Variants in SFXN5 observed in about 807,000 individuals in gnomAD.
SFXN5 encodes the protein sideroflexin-5.
A neutral mutation model predicts 50.2 loss-of-function variants in SFXN5; 43 were observed. The observed-to-expected ratio is 0.86, with a 90% CI of 0.67 to 1.11. The LOEUF (loss-of-function observed/expected upper bound fraction) is 1.11, where lower values mean the gene tolerates loss of function less well. Ranked by LOEUF, SFXN5 falls within the 50% of genes least tolerant of loss-of-function variation. The probability of loss-of-function intolerance (pLI) is 0.00; values close to 1 mark genes in which losing one functional copy is unlikely to be tolerated. For synonymous variants in SFXN5, 203 were observed against 185.8 expected (o/e 1.09, Z -0.75); for missense variants, 463 against 454.1 (o/e 1.02, Z -0.18).
intron 2 of SFXN5, chr2:73,041,810 C>T: frequency 5.3e-6 from 1 of 190,192 alleles, no homozygotes; most frequent in Non-Finnish European, 1.2e-5. Context: ...TCAAGTGATC[C>T]TCCCACCTCA....
intron 1 of SFXN5, among the ~76,000 whole-genome samples, chr2:73,062,734 A>T (rs1485687741): frequency 6.6e-6 from 1 of 152,204 alleles, no homozygotes; most frequent in Non-Finnish European, 1.5e-5. Flanking sequence ...CAAAACACTG[A>T]TCAGAGTTTA....
intron 3 of SFXN5, among the ~76,000 whole-genome samples, chr2:73,033,122 G>A (rs1263547550): frequency 6.6e-6 from 1 of 152,170 alleles, no homozygotes; most frequent in East Asian, 1.9e-4. Flanking sequence ...TAATCTTTCT[G>A]AGCCTCCTCT....
Position 73,071,522 on chromosome 2 carries a change from G to A in SFXN5, c.102+82C>T, listed in dbSNP as rs1373147427. On this transcript the variant is annotated intron_variant, in intron 1 of 13. Transcript: ENST00000272433. ...CGCTGGCCGCGGGTGGGAGACCCTT[G>A]GGCGGAAGGGGACTTTGGAGGGGAG... 16 of 1,345,226 alleles carry A rather than the reference G, an allele frequency of 1.2e-5. No homozygotes were observed. The East Asian group carries it at 3.8e-4, about 32-fold the overall frequency. The allele number at this position is 1,345,226 out of a possible 1,614,324, so 83.3% of individuals were successfully genotyped here.
intron 10 of SFXN5, 112 bp downstream of exon 10, chr2:72,988,145 TG>T: frequency 1.1e-6 from 1 of 893,536 alleles, no homozygotes; most frequent in Non-Finnish European, 1.7e-6. Flanking sequence ...TTCTCCCAGC[TG>T]GGTGCCCCCT....
chr2:73,020,400 C>T, intron 5 of SFXN5, 136 bp from the exon 6 acceptor site: 1 of 764,530 alleles, frequency 1.3e-6, no homozygotes, highest in Non-Finnish European at 2.2e-6. Flanking sequence ...CGGGAGGCAT[C>T]TCCTATCTCA....
At chr2:73,058,359 A>C in intron 2 of SFXN5, 169 bp downstream of exon 2, 6 of 596,958 alleles carry the variant, frequency 1.0e-5, no homozygotes, top group Non-Finnish European at 1.8e-5. Flanking sequence ...AGACACACAG[A>C]TACATAAACA....
intron 10 of SFXN5, among the ~76,000 whole-genome samples, chr2:72,979,371 T>G (rs767330283): frequency 0.063 from 9,532 of 152,194 alleles, 379 homozygotes; most frequent in East Asian, 0.17. Context: ...CAGTGGCTCA[T>G]GCCTGTAATC....
At chr2:73,070,385 G>A (rs1559226614) in intron 1 of SFXN5, 1 of 152,114 alleles carries the variant, frequency 6.6e-6, no homozygotes, top group Non-Finnish European at 1.5e-5. Context: ...AGCAAAGCTC[G>A]GGGCACCCCC....
chr2:73,000,403 C>A, intron 8 of SFXN5, 28 bp downstream of exon 8: 1 of 1,551,768 alleles, frequency 6.4e-7, no homozygotes, highest in South Asian at 1.2e-5. Context: ...CTGAACCCCA[C>A]CACTGGGGAG....
intron 9 of SFXN5, among the ~76,000 whole-genome samples, chr2:72,989,517 A>G (rs1672319962): frequency 6.6e-6 from 1 of 152,098 alleles, no homozygotes; most frequent in South Asian, 2.1e-4. Context: ...ACGGGACCGG[A>G]TGGGGTGACT....
In SFXN5 at chr2:73,023,201, T is replaced by G. The variant is rs1677120118; in HGVS notation, c.263A>C (p.Gln88Pro). 1.2e-6 allele frequency: 2 copies of G among 1,603,972 alleles called. No homozygotes were observed. The highest frequency in any genetic ancestry group is 8.5e-7 in the Non-Finnish European group (1 of 1,174,622). Residue 88 changes from glutamine (Q) to proline (P), a missense_variant, in exon 4 of 14, where the codon CAG (glutamine) becomes CCG (proline). By Grantham distance (76) the Gln-to-Pro change is moderately conservative. Coordinates refer to ENST00000272433, the MANE Select transcript of SFXN5 (RefSeq NM_144579.3). Reference protein sequence around the residue: ...GVTNEQLWSAQKIKQAILHPD... With the variant: ...GVTNEQLWSAPKIKQAILHPD... ...AAACTGGATTACCTGCTTGATTTTC[T>G]GTGCACTCCAGAGCTGGAAGAGAGA... is the stretch of plus-strand genomic sequence containing the variant.
intron 13 of SFXN5, among the ~76,000 whole-genome samples, chr2:72,949,459 C>T (rs1192569535): frequency 6.6e-6 from 1 of 152,188 alleles, no homozygotes; most frequent in Admixed American, 6.5e-5. Context: ...CACATGCCAC[C>T]ATGCCTGGCT....
Position 72,960,514 on chromosome 2 carries a change from C to T in SFXN5, c.945+617G>A, listed in dbSNP as rs909657804. Among the ~76,000 whole-genome samples the T allele has an allele frequency of 1.3e-5, 2 of 152,178 alleles. No individual in the cohort carries two copies. The highest frequency in any genetic ancestry group is 2.9e-5 in the Non-Finnish European group (2 of 68,042). On this transcript the variant is annotated intron_variant, in intron 13 of 13. Transcript: ENST00000272433. The surrounding 1 kb of genome is among the most constrained non-coding windows in gnomAD (Gnocchi z 6.1). Reference sequence around the variant, plus strand: ...CGCCACAGGCTCCTGATGGTTCCTTCTCTGGAGCTCTAACCCAGCCCCACG... The same window carrying T: ...CGCCACAGGCTCCTGATGGTTCCTTTTCTGGAGCTCTAACCCAGCCCCACG...
At chr2:73,022,452 A>G (rs1677012770) in intron 5 of SFXN5, 70 bp downstream of exon 5, 1 of 1,187,110 alleles carries the variant, frequency 8.4e-7, no homozygotes, top group Admixed American at 1.7e-5. Context: ...GCACATCTGG[A>G]TGCTCCTGGA....
intron 10 of SFXN5, among the ~76,000 whole-genome samples, chr2:72,975,602 G>C (rs1670539885): frequency 6.6e-6 from 1 of 152,202 alleles, no homozygotes; most frequent in Non-Finnish European, 1.5e-5. Flanking sequence ...AAAGTCGTCA[G>C]AGAAGGGAAT....
intron 6 of SFXN5, among the ~76,000 whole-genome samples, chr2:73,018,789 T>C (rs911588279): frequency 3.3e-5 from 5 of 152,242 alleles, no homozygotes; most frequent in South Asian, 4.1e-4. Context: ...AATAGTGTTA[T>C]GTGGTCATAT....
chr2:73,022,556 G>A lies in SFXN5; in HGVS notation c.297C>T (p.Thr99=). The part of the protein sequence containing the change: ...KIKQAILHPD[T]NEKIFMPFRM... ...TAAATGGCATGAAGATCTTCTCATT[G>A]GTGTCCGGATGTAGAATAGCCTGGC... Residue 99 remains threonine (T), a synonymous_variant, in exon 5 of 14, where the codon ACC becomes ACT. Transcript: ENST00000272433. The A allele has an allele frequency of 6.2e-7, 1 of 1,612,034 alleles. No individual in the cohort carries two copies. The highest frequency in any genetic ancestry group is 8.5e-7 in the Non-Finnish European group (1 of 1,179,184).
chr2:72,985,701 T>C (rs983032491), intron 10 of SFXN5, among the ~76,000 whole-genome samples: 1 of 152,252 alleles, frequency 6.6e-6, no homozygotes, highest in South Asian at 2.1e-4. Context: ...TGTCAGGGCT[T>C]AAACCACATT....
At chr2:72,959,997 G>A (rs1673530238) in intron 13 of SFXN5, among the ~76,000 whole-genome samples, 1 of 152,016 alleles carries the variant, frequency 6.6e-6, no homozygotes, top group African/African-American at 2.4e-5. Context: ...TGACCTCTCA[G>A]GAGGGTCTGA....
Sources: gnomAD v4.1 joint callset for allele counts (sites outside exome capture counted in the v4.1 genomes callset) on GRCh38, gnomAD v4.1.1 for gene constraint, Gnocchi (gnomAD v3.1) non-coding constraint, MANE v1.5 for transcripts, NCBI Gene and HGNC (gene_info 2026-07-23, HGNC 2026-07-21) for gene names.